Variants in FAT1 observed in about 807,000 individuals in gnomAD.
FAT1 encodes FAT atypical cadherin 1.
FAT1 carries 171 observed loss-of-function variants against 329.8 expected under a neutral mutation model. The ratio of observed to expected loss-of-function variants is 0.52; its 90% CI spans 0.46 to 0.59. FAT1 has a LOEUF of 0.59. Among genes scored for constraint, FAT1 ranks in the 20% least tolerant of loss-of-function variants. The pLI is 0.00. For missense variants in FAT1, 5,672 were observed against 5,774.4 expected, an observed-to-expected ratio of 0.98 and a Z score of 0.57; for synonymous variants, 2,233 against 2,228.6, an observed-to-expected ratio of 1.00 and a Z score of -0.06.
chr4:186,614,101 A>G, intron 12 of FAT1, 90 bp downstream of exon 12: 1 of 1,172,024 alleles, frequency 8.5e-7, no homozygotes, highest in Admixed American at 2.8e-5. Context: ...GGCAAAATGT[A>G]ATTTCAAATT....
chr4:186,621,297 T>C lies in FAT1; in HGVS notation c.5289A>G (p.Pro1763=). 6.2e-7 allele frequency: 1 copy of C among 1,614,056 alleles called. No homozygotes were observed. ...CTGTATATTCTGCCTGCATAAAAAC[T>C]GGCGCGTTGTCATTCTCATCCTGCA... ...VHLQDENDNA[P]VFMQAEYTGL... The change falls in exon 10 of 27, where the codon CCA becomes CCG. Residue 1763 remains proline, a synonymous_variant. Transcript: ENST00000441802.
At chr4:186,612,727 A>T (rs1739504438) in intron 13 of FAT1, among the ~76,000 whole-genome samples, 2 of 152,332 alleles carry the variant, frequency 1.3e-5, no homozygotes, top group East Asian at 1.9e-4. Context: ...CTCTAAAAAA[A>T]TTTTGAAAGG....
intron 9 of FAT1, among the ~76,000 whole-genome samples, chr4:186,627,392 G>T (rs1740364099): frequency 6.6e-6 from 1 of 152,230 alleles, no homozygotes; most frequent in Admixed American, 6.5e-5. Flanking sequence ...ATGAATGAGG[G>T]AATGGCAGTG....
chr4:186,700,943 C>G (rs986487304), intron 2 of FAT1, among the ~76,000 whole-genome samples: 1 of 152,144 alleles, frequency 6.6e-6, no homozygotes, highest in African/African-American at 2.4e-5. Context: ...CTGTTTCCAC[C>G]CCACACCTCC....
chr4:186,712,882 G>C (rs1745030460), intron 1 of FAT1, among the ~76,000 whole-genome samples: 1 of 152,180 alleles, frequency 6.6e-6, no homozygotes, highest in South Asian at 2.1e-4. Context: ...AGAAGCACTA[G>C]ATTAGGGAAG....
rs375998390 is a variant in FAT1 at position 186,613,313 on chromosome 4, G to T, written c.9259C>A (p.Arg3087Ser). The T allele has an allele frequency of 3.1e-6, 5 of 1,613,966 alleles. No homozygotes were observed. The highest frequency in any genetic ancestry group is 8.5e-7 in the Non-Finnish European group (1 of 1,179,858). ...GELKTSTPLD[R>S]EEQAVYHLLV... is the part of the protein sequence containing the mutation. ...AGATGATAAACAGCTTGCTCCTCAC[G>T]ATCAAGGGGGGTTGACGTTTTCAGT... Residue 3087 changes from arginine to serine, a missense_variant, in exon 13 of 27, where the codon CGT becomes AGT. Arg to Ser is a moderately radical substitution (Grantham distance 110). This residue lies in a region of FAT1 where 3,966 missense variants were observed against 3,915.2 expected (regional missense o/e 1.01). Coordinates refer to ENST00000441802, the MANE Select transcript of FAT1 (RefSeq NM_005245.4).
At position 186,709,547 on chromosome 4, in the gene FAT1, C is replaced by T. The variant is rs1243019087; in HGVS notation, c.281G>A (p.Cys94Tyr). The T allele has an allele frequency of 2.5e-6, 4 of 1,613,878 alleles. No homozygotes were observed. The East Asian group carries it at 6.7e-5, about 27-fold the overall frequency. Reference sequence around the variant, plus strand: ...TCCTTTGGTCCTTATTCTTAGAAAGCAAAAGTCTCCGAGAATGTACTCTTC... The same window carrying T: ...TCCTTTGGTCCTTATTCTTAGAAAGTAAAAGTCTCCGAGAATGTACTCTTC... ...KAEEYILGDFCFLRIRTKGGN... is the reference protein window; with the variant it reads ...KAEEYILGDFYFLRIRTKGGN... The change falls in exon 2 of 27, where the codon TGC becomes TAC. Residue 94 changes from cysteine to tyrosine, a missense_variant. By Grantham distance (194) the Cys-to-Tyr change is radical. This residue lies in a region of FAT1 where 3,966 missense variants were observed against 3,915.2 expected (regional missense o/e 1.01). Transcript: ENST00000441802.
intron 2 of FAT1, among the ~76,000 whole-genome samples, chr4:186,692,366 G>T (rs1352953537): frequency 2.0e-5 from 3 of 152,046 alleles, no homozygotes; most frequent in African/African-American, 7.2e-5. Flanking sequence ...AGGCTGGAGT[G>T]CAGTGGCGCA....
At chr4:186,681,581 T>C (rs576084026) in intron 2 of FAT1, among the ~76,000 whole-genome samples, 2 of 152,342 alleles carry the variant, frequency 1.3e-5, no homozygotes, top group East Asian at 3.9e-4. Flanking sequence ...AGCAGTGCTC[T>C]AAAGTGAAAT....
chr4:186,597,709 T>C lies in FAT1; in HGVS notation c.12341A>G (p.Gln4114Arg). The stretch of plus-strand genomic sequence containing the variant: ...TTCTCCCCTAAAACCCGAATCACAC[T>C]GACAAACGGCGCCATCCAAACTGTC... ...CFDSLDGAVCQCDSGFRGERC... is the reference protein window; with the variant it reads ...CFDSLDGAVCRCDSGFRGERC... Residue 4114 changes from glutamine to arginine, a missense_variant, in exon 24 of 27, where the codon CAG becomes CGG. Physicochemically the swap from Gln to Arg is conservative, Grantham distance 43. Transcript: ENST00000441802. The C allele has an allele frequency of 4.3e-6, 7 of 1,613,924 alleles. No homozygotes were observed. Among genetic ancestry groups the C allele is most frequent in the Non-Finnish European group, 5.9e-6 (7 of 1,179,858 alleles).
chr4:186,667,642 T>C (rs987611842), intron 2 of FAT1, among the ~76,000 whole-genome samples: 2 of 152,234 alleles, frequency 1.3e-5, no homozygotes, highest in South Asian at 2.1e-4. Context: ...AAGAATCTTA[T>C]CTTCTAACCA....
At chr4:186,650,002 T>G (rs1741559419) in intron 3 of FAT1, among the ~76,000 whole-genome samples, 1 of 152,216 alleles carries the variant, frequency 6.6e-6, no homozygotes, top group South Asian at 2.1e-4. Context: ...TTTATTACCT[T>G]CTGTATTTTG....
intron 1 of FAT1, among the ~76,000 whole-genome samples, chr4:186,713,988 G>A (rs983771334): frequency 2.0e-5 from 3 of 152,272 alleles, no homozygotes; most frequent in Non-Finnish European, 4.4e-5. Flanking sequence ...CATCCAACCT[G>A]AATCTTTTTT....
At chr4:186,694,742 C>T (rs1297877412) in intron 2 of FAT1, among the ~76,000 whole-genome samples, 1 of 152,188 alleles carries the variant, frequency 6.6e-6, no homozygotes, top group African/African-American at 2.4e-5. Flanking sequence ...GAAGGCAGAT[C>T]ACCTGAGGTC....
chr4:186,595,596 G>A (rs1738460317), intron 26 of FAT1, 93 bp downstream of exon 26: 2 of 1,399,804 alleles, frequency 1.4e-6, no homozygotes, highest in Admixed American at 3.8e-5. Context: ...ATATGGTGAG[G>A]CTTTAAGGGT....
At chr4:186,700,628 G>A (rs982974873) in intron 2 of FAT1, among the ~76,000 whole-genome samples, 3 of 151,848 alleles carry the variant, frequency 2.0e-5, no homozygotes, top group African/African-American at 7.2e-5. Context: ...TTTTTGAACA[G>A]GCTCCCTCGC....
intron 2 of FAT1, among the ~76,000 whole-genome samples, chr4:186,703,832 C>T (rs182879793): frequency 4.3e-4 from 65 of 152,350 alleles, no homozygotes; most frequent in Admixed American, 4.1e-3. Flanking sequence ...TCTTTCCACA[C>T]TTCCTTCATG....
chr4:186,701,630 C>A (rs944279392), intron 2 of FAT1, among the ~76,000 whole-genome samples: 2 of 152,230 alleles, frequency 1.3e-5, no homozygotes, highest in African/African-American at 4.8e-5. Flanking sequence ...CCACCCAGCT[C>A]TCAGCCACTT....
chr4:186,621,056 G>T lies in FAT1; in HGVS notation c.5530C>A (p.His1844Asn). ...SLDYEETSIF[H>N]FTVQVHDMGT... ...ATGTCATGCACTTGGACGGTAAAGT[G>T]AAAAATACTTGTTTCTTCATAGTCC... Residue 1844 changes from histidine to asparagine, a missense_variant, in exon 10 of 27, where the codon CAC becomes AAC. By Grantham distance (68) the His-to-Asn change is moderately conservative. Coordinates refer to ENST00000441802, the MANE Select transcript of FAT1 (RefSeq NM_005245.4). 1 of 1,612,872 alleles carries T rather than the reference G, an allele frequency of 6.2e-7. No individual in the cohort carries two copies.
Sources: gnomAD v4.1 joint callset for allele counts (sites outside exome capture counted in the v4.1 genomes callset) on GRCh38, gnomAD v4.1.1 for gene constraint, gnomAD v4.1.1 regional missense constraint, MANE v1.5 for transcripts, NCBI Gene and HGNC (gene_info 2026-07-23, HGNC 2026-07-21) for gene names.